The following SYT1 variants were observed in gnomAD, a reference collection of about 807,000 sequenced individuals.
The protein encoded by SYT1 is synaptotagmin-1.
In SYT1, 8 loss-of-function variants were observed where a neutral mutation model predicts 44.8. The observed-to-expected ratio is 0.18, with a 90% CI of 0.10 to 0.32. The LOEUF is 0.32. SYT1 is among the 10% of genes least tolerant of loss of function. The pLI is 1.00. For missense variants in SYT1, 286 were observed against 509.3 expected (o/e 0.56, Z 4.22); for synonymous variants, 154 against 188.8 (o/e 0.82, Z 1.51).
intron 4 of SYT1, among the ~76,000 whole-genome samples, chr12:79,236,829 T>G (rs1040506699): frequency 6.6e-6 from 1 of 152,208 alleles, no homozygotes; most frequent in African/African-American, 2.4e-5. Flanking sequence ...TAGCATGTGA[T>G]GCATAATAAA....
chr12:79,178,750 A>G (rs1300830563), intron 3 of SYT1, among the ~76,000 whole-genome samples: 1 of 151,164 alleles, frequency 6.6e-6, no homozygotes, highest in African/African-American at 2.4e-5. Context: ...TCCCACTGTC[A>G]AAACAGTAAT....
intron 3 of SYT1, among the ~76,000 whole-genome samples, chr12:79,181,258 A>G (rs1356714559): frequency 6.6e-6 from 1 of 152,092 alleles, no homozygotes; most frequent in East Asian, 1.9e-4. Context: ...ACAGGTTCAA[A>G]TGATATCAGT....
intron 3 of SYT1, among the ~76,000 whole-genome samples, chr12:79,105,875 G>C (rs560660825): frequency 6.7e-6 from 1 of 149,434 alleles, no homozygotes; most frequent in African/African-American, 2.5e-5. Context: ...GCTAGACTCC[G>C]TCTCAAGAAA....
At chr12:79,367,803 T>A (rs1883610085) in intron 9 of SYT1, among the ~76,000 whole-genome samples, 2 of 151,796 alleles carry the variant, frequency 1.3e-5, no homozygotes, top group African/African-American at 4.8e-5. Context: ...GAATCTCAGA[T>A]AAGTAGCTCA....
chr12:79,245,302 C>CAAAA (rs61324842), intron 4 of SYT1, among the ~76,000 whole-genome samples: 19 of 104,166 alleles, frequency 1.8e-4, no homozygotes, highest in South Asian at 3.3e-4. Context: ...CCCGTCTCTA[C>CAAAA]AAAAAAAAAA....
intron 3 of SYT1, among the ~76,000 whole-genome samples, chr12:79,086,938 C>T (rs1280530577): frequency 6.6e-6 from 1 of 152,114 alleles, no homozygotes; most frequent in East Asian, 1.9e-4. Flanking sequence ...TCTTTCCAAT[C>T]ACCATTGTAA....
intron 1 of SYT1, among the ~76,000 whole-genome samples, chr12:78,904,090 AC>A (rs1156835759): frequency 4.6e-5 from 7 of 152,090 alleles, no homozygotes; most frequent in Non-Finnish European, 1.0e-4. Context: ...ATCCCCGGTA[AC>A]CAAAATTTAG....
chr12:78,904,149 A>G (rs1385314523), intron 1 of SYT1, among the ~76,000 whole-genome samples: 1 of 152,170 alleles, frequency 6.6e-6, no homozygotes, highest in East Asian at 1.9e-4. Flanking sequence ...AAATGTTACA[A>G]TTTAAAAAAC....
intron 9 of SYT1, among the ~76,000 whole-genome samples, chr12:79,380,078 G>A (rs895014617): frequency 5.3e-5 from 8 of 152,058 alleles, no homozygotes; most frequent in East Asian, 1.9e-4. Flanking sequence ...TAGAATTGAC[G>A]TATTTTACTG....
chr12:78,876,627 A>G (rs997471487), intron 1 of SYT1, among the ~76,000 whole-genome samples: 47 of 136,116 alleles, frequency 3.5e-4, no homozygotes, highest in African/African-American at 1.2e-3. Flanking sequence ...ATATGTATAT[A>G]CACACGTGTA....
rs373663537 is a variant in SYT1, at chr12:79,236,597, C to G, written c.166+18912C>G. ...TTTCATCTTCCACCAAGTGGTATTA[C>G]TATAAGCTCATATCTTCCTTACTAG... On this transcript the variant is annotated intron_variant, in intron 4 of 10. Coordinates refer to ENST00000261205, the MANE Select transcript of SYT1 (RefSeq NM_005639.3). 4.6e-5 allele frequency among the ~76,000 whole-genome samples: 7 copies of G among 152,314 alleles called. 1 individual carries two copies. The highest frequency in any genetic ancestry group is 3.3e-4 in the Admixed American group (5 of 15,292).
intron 3 of SYT1, among the ~76,000 whole-genome samples, chr12:79,184,017 A>G (rs1872678199): frequency 6.6e-6 from 1 of 152,100 alleles, no homozygotes; most frequent in South Asian, 2.1e-4. Flanking sequence ...ATCAGAAACA[A>G]CAAACTTCCC....
chr12:79,217,283 T>A (rs182222558), intron 3 of SYT1, among the ~76,000 whole-genome samples: 1 of 152,312 alleles, frequency 6.6e-6, no homozygotes, highest in African/African-American at 2.4e-5. Context: ...AGAATGCTAT[T>A]CAGTAACTAT....
At chr12:78,941,420 C>T (rs1408346772) in intron 1 of SYT1, among the ~76,000 whole-genome samples, 1 of 135,740 alleles carries the variant, frequency 7.4e-6, no homozygotes, top group African/African-American at 2.5e-5. Flanking sequence ...CACACACACA[C>T]ACACACACAC....
chr12:79,420,872 C>T (rs1217805229), intron 9 of SYT1, among the ~76,000 whole-genome samples: 2 of 152,052 alleles, frequency 1.3e-5, no homozygotes, highest in African/African-American at 4.8e-5. Flanking sequence ...TTACATTGTT[C>T]CTGGTTCCCT....
intron 3 of SYT1, among the ~76,000 whole-genome samples, chr12:79,174,389 G>A (rs1367603308): frequency 1.4e-5 from 2 of 143,962 alleles, no homozygotes; most frequent in African/African-American, 5.2e-5. Flanking sequence ...AAATAATATG[G>A]TGACGTATTC....
chr12:79,311,664 T>C (rs1197307226), intron 8 of SYT1, among the ~76,000 whole-genome samples: 1 of 135,666 alleles, frequency 7.4e-6, no homozygotes, highest in African/African-American at 2.8e-5. Context: ...GTGGCACATA[T>C]ACACCATGGA....
intron 5 of SYT1, among the ~76,000 whole-genome samples, chr12:79,287,759 C>T (rs527771881): frequency 6.6e-6 from 1 of 151,928 alleles, no homozygotes; most frequent in African/African-American, 2.4e-5. Context: ...GTTTATTACC[C>T]CTGTTATGAC....
At chr12:78,888,891 T>C (rs1874891874) in intron 1 of SYT1, among the ~76,000 whole-genome samples, 1 of 151,940 alleles carries the variant, frequency 6.6e-6, no homozygotes, top group Non-Finnish European at 1.5e-5. Flanking sequence ...TTTACAGATT[T>C]ACTACCTGCT....
Sources: gnomAD v4.1 joint callset for allele counts (sites outside exome capture counted in the v4.1 genomes callset) on GRCh38, gnomAD v4.1.1 for gene constraint, MANE v1.5 for transcripts, NCBI Gene and HGNC (gene_info 2026-07-23, HGNC 2026-07-21) for gene names.